Variants in KCNC3 observed in about 807,000 individuals in gnomAD.
KCNC3 encodes potassium voltage-gated channel subfamily C member 3.
In KCNC3, 22 loss-of-function variants were observed where a neutral mutation model predicts 43.9. The ratio of observed to expected loss-of-function variants is 0.50; its 90% confidence interval spans 0.36 to 0.72. KCNC3 has a LOEUF of 0.72. KCNC3 is among the 30% of genes least tolerant of loss of function. KCNC3 has a pLI of 0.00. For synonymous variants in KCNC3, 492 were observed against 488.0 expected, an observed-to-expected ratio of 1.01 and a Z score of -0.11; for missense variants, 829 against 1,073.8, an observed-to-expected ratio of 0.77 and a Z score of 3.19.
Position 50,323,528 on chromosome 19 carries a change from G to A in KCNC3, c.1425C>T (p.Asp475=), listed in dbSNP as rs1363908751. ...GGTTGGAGCCCAGGATGTCATCGGG[G>A]TCGGCGCCAATGCGCTCAGCGTAGT... ...MIYYAERIGA[D]PDDILGSNHT... Residue 475 remains aspartate, a synonymous_variant, in exon 2 of 5, where the codon GAC becomes GAT. Coordinates refer to ENST00000477616, the MANE Select transcript of KCNC3 (RefSeq NM_004977.3). 6.2e-7 allele frequency: 1 copy of A among 1,614,122 alleles called. No individual in the cohort carries two copies. Among genetic ancestry groups the A allele is most frequent in the Non-Finnish European group, 8.5e-7 (1 of 1,180,048 alleles).
At position 50,324,664 on chromosome 19, in the gene KCNC3, T is replaced by C. The variant is rs73070523; in HGVS notation, c.871-582A>G. Reference sequence around the variant, plus strand: ...CTGAGCTTTCTGAACCAGAAGTTTGTAGTGGGATTGTTGTGAGGATTAAAT... The same window carrying C: ...CTGAGCTTTCTGAACCAGAAGTTTGCAGTGGGATTGTTGTGAGGATTAAAT... On this transcript the variant is annotated intron_variant, in intron 1 of 4. Transcript: ENST00000477616. The surrounding 1 kb of genome is among the most constrained non-coding windows in gnomAD (Gnocchi z 4.1). 0.019 allele frequency among the ~76,000 whole-genome samples: 2,882 copies of C among 152,210 alleles called. 52 individuals carry two copies. The highest frequency in any genetic ancestry group is 0.024 in the Non-Finnish European group (1,616 of 68,004).
intron 2 of KCNC3, among the ~76,000 whole-genome samples, chr19:50,322,045 C>G (rs1308796350): frequency 6.6e-6 from 1 of 151,960 alleles, no homozygotes; most frequent in East Asian, 1.9e-4. Context: ...TAGGCTCTGA[C>G]TCCAGCTATT....
Position 50,320,674 on chromosome 19 carries a change from T to C in KCNC3, c.2089A>G (p.Ser697Gly). The C allele has an allele frequency of 1.2e-6, 2 of 1,613,748 alleles. No homozygotes were observed. Among genetic ancestry groups the C allele is most frequent in the East Asian group, 2.2e-5 (1 of 44,842 alleles). The change falls in exon 3 of 5, where the codon AGC becomes GGC. Residue 697 changes from serine (S) to glycine (G), a missense_variant. Physicochemically the swap from Ser to Gly is moderately conservative, Grantham distance 56. Around this residue, in one of 7 missense-constraint regions of KCNC3, gnomAD observed 308 missense variants for 276.2 expected, o/e 1.11. Transcript: ENST00000477616. ...CGGTCCCGGCTATAGCGGCCACGGCTTCCAGGCGTGATGGGGCTCTTGTCT... is the reference window on the plus strand; with the variant it reads ...CGGTCCCGGCTATAGCGGCCACGGCCTCCAGGCGTGATGGGGCTCTTGTCT... ...PEDKSPITPG[S>G]RGRYSRDRAC...
At chr19:50,326,278 C>G (rs1269458745) in intron 1 of KCNC3, among the ~76,000 whole-genome samples, 2 of 152,216 alleles carry the variant, frequency 1.3e-5, no homozygotes, top group Non-Finnish European at 2.9e-5. Context: ...CATCCCGCTC[C>G]TCATCTCAGC....
chr19:50,328,922 C>G lies in KCNC3; in HGVS notation c.161G>C (p.Gly54Ala). ...AQPGPAASPA[G>A]PPAPRGPGDR... ...CCCGGGCCCGCGGGGTGCCGGGGGGCCCGCCGGGGACGCGGCGGGGCCGGG... is the reference window on the plus strand; with the variant it reads ...CCCGGGCCCGCGGGGTGCCGGGGGGGCCGCCGGGGACGCGGCGGGGCCGGG... Residue 54 changes from glycine (G) to alanine (A), a missense_variant, in exon 1 of 5, where the codon GGC (glycine) becomes GCC (alanine). Gly to Ala is a moderately conservative substitution (Grantham distance 60, BLOSUM62 0). Coordinates refer to ENST00000477616, the MANE Select transcript of KCNC3 (RefSeq NM_004977.3). 1.1e-6 allele frequency: 1 copy of G among 871,446 alleles called. No individual in the cohort carries two copies. Among genetic ancestry groups the G allele is most frequent in the Non-Finnish European group, 1.4e-6 (1 of 727,722 alleles). The allele number at this position is 871,446 out of a possible 1,614,324, so 54.0% of individuals were successfully genotyped here.
At chr19:50,319,739 G>T (rs1048717855) in intron 4 of KCNC3, among the ~76,000 whole-genome samples, 2 of 152,064 alleles carry the variant, frequency 1.3e-5, no homozygotes, top group African/African-American at 4.8e-5. Context: ...GGAAGCTCCT[G>T]GGGGCATGGT....
chr19:50,328,960 C>T lies in KCNC3; in HGVS notation c.123G>A (p.Gln41=). Residue 41 remains glutamine (Q), a synonymous_variant, in exon 1 of 5, where the codon CAG becomes CAA. Coordinates refer to ENST00000477616, the MANE Select transcript of KCNC3 (RefSeq NM_004977.3). ...CGGCGGGGCCGGGCTGCGCAGGCTG[C>T]TGCTGCTGCGGCGGCAGCGGTGGCG... ...PPPPPLPPQQ[Q]QPAQPGPAAS... is the part of the protein sequence containing the mutation. 1.1e-6 allele frequency: 1 copy of T among 947,034 alleles called. No homozygotes were observed. The highest frequency in any genetic ancestry group is 3.9e-5 in the South Asian group (1 of 25,778). The allele number at this position is 947,034 out of a possible 1,614,324, so 58.7% of individuals were successfully genotyped here.
At chr19:50,330,075 C>T (rs941117837), upstream of KCNC3, among the ~76,000 whole-genome samples, 9 of 152,112 alleles carry the variant, frequency 5.9e-5, no homozygotes, top group Non-Finnish European at 1.0e-4. Context: ...GAGACCAGCC[C>T]GGCCAAAATG....
chr19:50,314,894 G>A lies in KCNC3; in HGVS notation c.*1221C>T. The stretch of plus-strand genomic sequence containing the variant: ...CAGGGTCGGGGGAGCGCGGCGGGCG[G>A]CCCGGGGAGAGCCAGGGGGGGTGGC... On this transcript the variant is annotated 3_prime_UTR_variant, in exon 5 of 5. Coordinates refer to ENST00000477616, the MANE Select transcript of KCNC3 (RefSeq NM_004977.3). 1 of 296,170 alleles carries A rather than the reference G, an allele frequency of 3.4e-6. No individual in the cohort carries two copies. Among genetic ancestry groups the A allele is most frequent in the South Asian group, 2.5e-5 (1 of 40,646 alleles). 18.3% of individuals were successfully genotyped at this position (296,170 alleles called of 1,614,324 possible). A position where few individuals can be genotyped will look rare whatever the true frequency, so the allele number is the denominator to read the frequency against.
upstream of KCNC3, chr19:50,329,777 G>C (rs1407241210): frequency 1.3e-5 from 2 of 152,710 alleles, no homozygotes; most frequent in African/African-American, 4.8e-5. Context: ...GACACGGGAA[G>C]AACAAAGACT....
chr19:50,327,857 G>A (rs2037124617), intron 1 of KCNC3, among the ~76,000 whole-genome samples: 1 of 151,802 alleles, frequency 6.6e-6, no homozygotes, highest in South Asian at 2.1e-4. Context: ...GGGTTGGGGA[G>A]GGTCTCAGAG....
rs1568574088 is a variant in KCNC3 at position 50,329,050 on chromosome 19, G to A, written c.33C>T (p.Arg11=). The A allele has an allele frequency of 1.5e-6, 2 of 1,353,326 alleles. No individual in the cohort carries two copies. The highest frequency in any genetic ancestry group is 1.9e-6 in the Non-Finnish European group (2 of 1,047,044). The allele number at this position is 1,353,326 out of a possible 1,614,324, so 83.8% of individuals were successfully genotyped here. The change falls in exon 1 of 5, where the codon CGC becomes CGT. Residue 11 remains arginine (R), a synonymous_variant. Transcript: ENST00000477616. ...GCTGCTTGCTGGCCCCCTGGCGCCC[G>A]CGGAAGGACGAGACGCAGACTGAGC... The part of the protein sequence containing the change: MLSSVCVSSF[R]GRQGASKQQP...
intron 1 of KCNC3, among the ~76,000 whole-genome samples, chr19:50,326,176 T>A (rs1183637499): frequency 1.3e-5 from 2 of 152,170 alleles, no homozygotes; most frequent in Admixed American, 1.3e-4. Context: ...TCGGCACACC[T>A]TGGACACCCA....
chr19:50,324,834 G>C lies in KCNC3; in HGVS notation c.871-752C>G, dbSNP rs748961616. ...TCAAGGCCTCACCCAGAGAGGACAGGGCAGTGGTGGTGCCACAGAGGGGAG... is the reference window on the plus strand; with the variant it reads ...TCAAGGCCTCACCCAGAGAGGACAGCGCAGTGGTGGTGCCACAGAGGGGAG... On this transcript the variant is annotated intron_variant, in intron 1 of 4. Coordinates refer to ENST00000477616, the MANE Select transcript of KCNC3 (RefSeq NM_004977.3). The surrounding 1 kb of genome is among the most constrained non-coding windows in gnomAD (Gnocchi z 4.1). 6.6e-6 allele frequency among the ~76,000 whole-genome samples: 1 copy of C among 151,866 alleles called. No homozygotes were observed. The highest frequency in any genetic ancestry group is 1.9e-4 in the East Asian group (1 of 5,166).
chr19:50,328,168 G>C, intron 1 of KCNC3, 45 bp downstream of exon 1: 1 of 1,024,482 alleles, frequency 9.8e-7, no homozygotes, highest in Non-Finnish European at 1.2e-6. Flanking sequence ...GGGGCGCCTG[G>C]AGAGGCGGGG....
rs769032604 is a variant in KCNC3 at position 50,324,110 on chromosome 19, G to C, written c.871-28C>G. ...GCAGGGCAGGGAGGGAGAGAGAGGG[G>C]GAGAGGTGACCTAGGCATCAGGTTG... On this transcript the variant is annotated intron_variant, in intron 1 of 4. Transcript: ENST00000477616. The surrounding 1 kb of genome is among the most constrained non-coding windows in gnomAD (Gnocchi z 4.1). 6.4e-7 allele frequency: 1 copy of C among 1,559,942 alleles called. No individual in the cohort carries two copies. The highest frequency in any genetic ancestry group is 1.4e-5 in the African/African-American group (1 of 73,366).
At chr19:50,320,889 C>T (rs542275299) in intron 2 of KCNC3, 105 bp from the exon 3 acceptor site, 19 of 1,117,688 alleles carry the variant, frequency 1.7e-5, no homozygotes, top group South Asian at 1.5e-4. Context: ...GGATGGTCGG[C>T]GGATGTTTGG....
Position 50,320,226 on chromosome 19 carries a change from G to A in KCNC3, c.*20C>T, listed in dbSNP as rs760118299. On this transcript the variant is annotated 3_prime_UTR_variant, in exon 4 of 5. Transcript: ENST00000477616. ...TCAGAGGGTGGGGGCTACTTACCCCGGGGGGAGGGGGTTCGTCCACTAGGG... is the reference window on the plus strand; with the variant it reads ...TCAGAGGGTGGGGGCTACTTACCCCAGGGGGAGGGGGTTCGTCCACTAGGG... 4.6e-5 allele frequency: 22 copies of A among 481,844 alleles called. No individual in the cohort carries two copies. Among genetic ancestry groups the A allele is most frequent in the East Asian group, 3.0e-4 (8 of 26,576 alleles). The allele number at this position is 481,844 out of a possible 1,614,324, so 29.8% of individuals were successfully genotyped here.
intron 2 of KCNC3, 69 bp downstream of exon 2, chr19:50,322,906 C>G: frequency 6.7e-7 from 1 of 1,488,422 alleles, no homozygotes; most frequent in Non-Finnish European, 9.0e-7. Context: ...TCTCTGAACC[C>G]CGGCAGCTAC....
Sources: allele counts gnomAD v4.1 joint callset (sites outside exome capture counted in the v4.1 genomes callset), GRCh38; gene constraint gnomAD v4.1.1; regional missense constraint gnomAD v4.1.1; non-coding constraint Gnocchi (gnomAD v3.1); transcripts MANE v1.5; gene names NCBI Gene and HGNC (gene_info 2026-07-23, HGNC 2026-07-21).